C5: variants seen among roughly 807,000 people sequenced by gnomAD.
C5 encodes the protein complement C5, also known as C3 and PZP-like alpha-2-macroglobulin domain-containing protein 4.
Under a neutral mutation model 218.8 loss-of-function variants are expected in C5, and 140 were observed. That is an observed-to-expected ratio of 0.64 (90% CI 0.56 to 0.74). The LOEUF is 0.74. Ranked by LOEUF, C5 falls within the 30% of genes least tolerant of loss-of-function variation. The pLI, the probability that C5 is intolerant of heterozygous loss-of-function variation, is 0.00. For missense variants in C5, 1,700 were observed against 1,969.6 expected (o/e 0.86, Z 2.59); for synonymous variants, 614 against 682.3 (o/e 0.90, Z 1.56).
chr9:120,989,009 C>A lies in C5; in HGVS notation c.3230+37G>T, dbSNP rs773579531. The A allele has an allele frequency of 3.5e-6, 5 of 1,411,926 alleles. No individual in the cohort carries two copies. In the African/African-American group the frequency reaches 7.0e-5, roughly 20 times the overall value. 87.5% of individuals were successfully genotyped at this position (1,411,926 alleles called of 1,614,324 possible). ...GGTTATTATTCTTTAGTTAATTAACCACTATATGAAAATGCAACTCAAAAT... is the reference window on the plus strand; with the variant it reads ...GGTTATTATTCTTTAGTTAATTAACAACTATATGAAAATGCAACTCAAAAT... On this transcript the variant is annotated intron_variant, in intron 25 of 40. Coordinates refer to ENST00000223642, the MANE Select transcript of C5 (RefSeq NM_001735.3).
chr9:121,056,571 T>C, the C5 span, among the ~76,000 whole-genome samples: 1 of 152,142 alleles, frequency 6.6e-6, no homozygotes, highest in African/African-American at 2.4e-5. Flanking sequence ...GATAGAAAAT[T>C]CAATTGATAA....
chr9:120,958,082 T>C (rs533188963), intron 38 of C5, among the ~76,000 whole-genome samples: 25 of 152,360 alleles, frequency 1.6e-4, no homozygotes, highest in African/African-American at 5.5e-4. Context: ...CCTAAAAGAT[T>C]TGTTCATTCT....
chr9:120,998,504 G>C (rs1255744791), intron 20 of C5, among the ~76,000 whole-genome samples: 4 of 152,156 alleles, frequency 2.6e-5, no homozygotes, highest in Non-Finnish European at 4.4e-5. Flanking sequence ...AGTAAATGAT[G>C]GGTTTCATCA....
chr9:121,040,187 G>A (rs1238461696), intron 3 of C5, among the ~76,000 whole-genome samples: 1 of 152,222 alleles, frequency 6.6e-6, no homozygotes, highest in Admixed American at 6.5e-5. Context: ...ACGTGAGGGT[G>A]AAGTAGGAGT....
intron 19 of C5, 113 bp downstream of exon 19, chr9:121,006,791 T>A (rs2047219345): frequency 2.7e-6 from 2 of 751,322 alleles, no homozygotes. Context: ...AAGAATATTT[T>A]TTAAAAATTG....
upstream of C5, among the ~76,000 whole-genome samples, chr9:121,052,414 C>T (rs976773548): frequency 6.8e-5 from 10 of 147,776 alleles, no homozygotes; most frequent in East Asian, 5.9e-4. Flanking sequence ...ATCACGCCAC[C>T]GCACTCCAGC....
intron 21 of C5, 63 bp downstream of exon 21, chr9:120,997,484 C>A (rs541435443): frequency 2.1e-5 from 25 of 1,177,006 alleles, no homozygotes; most frequent in Middle Eastern, 2.7e-4. Flanking sequence ...TCTCTCCCCC[C>A]CCTTTCTGTG....
rs181772695 is a variant in C5, at chr9:120,993,430, T to A, written c.2852-2150A>T. On this transcript the variant is annotated intron_variant, in intron 22 of 40. Coordinates refer to ENST00000223642, the MANE Select transcript of C5 (RefSeq NM_001735.3). ...ACCTATAACAATAGAGTTATATATA[T>A]ATATATTTTTGAGACGGAGTCTCGC... is the stretch of plus-strand genomic sequence containing the variant. Among the ~76,000 whole-genome samples, 319 of 152,084 alleles carry A rather than the reference T, an allele frequency of 2.1e-3. 1 individual carries two copies. The highest frequency in any genetic ancestry group is 7.3e-3 in the African/African-American group (302 of 41,540).
chr9:121,050,331 A>G (rs559478221), upstream of C5: 1 of 1,101,888 alleles, frequency 9.1e-7, no homozygotes, highest in African/African-American at 1.5e-5. Flanking sequence ...AATTCAGATA[A>G]TCTGGTTAAT....
rs1053513538 is a variant in C5, at chr9:120,976,724, A to C, written c.3840T>G (p.Tyr1280Ter). Residue 1280 changes from tyrosine to a stop codon, truncating the protein, a stop_gained, in exon 29 of 41, where the codon TAT becomes TAG. Transcript: ENST00000223642. LOFTEE classifies it high-confidence loss of function. Reference sequence around the variant, plus strand: ...CCTGGGTTGAATAAAAGCCACCTCCATACCTCTGCTCTTCTGATAGCCATT... The same window carrying C: ...CCTGGGTTGAATAAAAGCCACCTCCCTACCTCTGCTCTTCTGATAGCCATT... Reference protein sequence around the residue: ...VIKWLSEEQRYGGGFYSTQDT... With the variant: ...VIKWLSEEQR 6.2e-7 allele frequency: 1 copy of C among 1,614,164 alleles called. No individual in the cohort carries two copies. The highest frequency in any genetic ancestry group is 8.5e-7 in the Non-Finnish European group (1 of 1,179,996).
chr9:120,959,666 CAA>C (rs1468049957), intron 38 of C5, among the ~76,000 whole-genome samples: 1 of 152,140 alleles, frequency 6.6e-6, no homozygotes. Flanking sequence ...GAATAGATAA[CAA>C]AGGAGCTAAT....
In C5 at chr9:120,988,438, T is replaced by C. The variant is rs1310465096; in HGVS notation, c.3230+608A>G. ...ACATTTGGTAAAGACCTGAGGGAAA[T>C]ATGAGAGCCAGTCATGCTGACACCT... On this transcript the variant is annotated intron_variant, in intron 25 of 40. Coordinates refer to ENST00000223642, the MANE Select transcript of C5 (RefSeq NM_001735.3). Among the ~76,000 whole-genome samples, 5 of 151,940 alleles carry C rather than the reference T, an allele frequency of 3.3e-5. No individual in the cohort carries two copies. The East Asian group carries it at 9.7e-4, about 29-fold the overall frequency.
rs537400911 is a variant in C5, at chr9:121,002,126, A to G, written c.2562+3793T>C. ...CACAAATTGCTGAGGCAGTGTGTGT[A>G]TATATATATATATGTATGTATATAT... On this transcript the variant is annotated intron_variant, in intron 20 of 40. Coordinates refer to ENST00000223642, the MANE Select transcript of C5 (RefSeq NM_001735.3). 1.9e-3 allele frequency among the ~76,000 whole-genome samples: 279 copies of G among 147,030 alleles called. 1 individual carries two copies. Among genetic ancestry groups the G allele is most frequent in the African/African-American group, 5.8e-3 (233 of 40,270 alleles).
intron 30 of C5, among the ~76,000 whole-genome samples, chr9:120,973,127 C>G (rs930107807): frequency 6.6e-6 from 1 of 152,156 alleles, no homozygotes; most frequent in African/African-American, 2.4e-5. Flanking sequence ...AACACTCTTT[C>G]ATGGAACACA....
chr9:120,975,017 G>A (rs1222158011), intron 29 of C5, 86 bp from the exon 30 acceptor site: 1 of 1,460,462 alleles, frequency 6.8e-7, no homozygotes, highest in African/African-American at 1.4e-5. Context: ...GAGAGGGTAG[G>A]GCAGCATTGT....
At chr9:120,971,029 A>G (rs41312875) in intron 31 of C5, among the ~76,000 whole-genome samples, 16,761 of 151,976 alleles carry the variant, frequency 0.11, 1,097 homozygotes, top group African/African-American at 0.19. Flanking sequence ...AAAATTAGCC[A>G]GGCGTAGTGG....
At chr9:121,062,192 T>A in the C5 span, among the ~76,000 whole-genome samples, 1 of 152,212 alleles carries the variant, frequency 6.6e-6, no homozygotes, top group African/African-American at 2.4e-5. Context: ...GACATACTTT[T>A]CTTAATACTT....
In C5 at chr9:120,970,249, T is replaced by C. The variant is rs758685448; in HGVS notation, c.4083A>G (p.Val1361=). ...TACTGGTTTTGTGAACTACAGTTGT[T>C]ACCTACATTGGGGACAAGTAAGCAA... The part of the protein sequence containing the change: ...GFGSGLATVH[V]TTVVHKTSTS... Residue 1361 remains valine (V), a splice_region_variant and synonymous_variant, in exon 32 of 41, where the codon GTA becomes GTG. Coordinates refer to ENST00000223642, the MANE Select transcript of C5 (RefSeq NM_001735.3). The C allele has an allele frequency of 1.4e-5, 23 of 1,607,622 alleles. No homozygotes were observed. The Middle Eastern group carries it at 8.2e-4, about 58-fold the overall frequency.
At chr9:121,073,909 G>C in the C5 span, among the ~76,000 whole-genome samples, 1 of 152,316 alleles carries the variant, frequency 6.6e-6, no homozygotes, top group East Asian at 1.9e-4. Flanking sequence ...CACAGAGAGA[G>C]AGGGAGTTTC....
Sources: allele counts gnomAD v4.1 joint callset (sites outside exome capture counted in the v4.1 genomes callset), GRCh38; gene constraint gnomAD v4.1.1; transcripts MANE v1.5; gene names NCBI Gene and HGNC (gene_info 2026-07-23, HGNC 2026-07-21).